The following CCDC102B variants were observed in gnomAD, a reference collection of about 807,000 sequenced individuals.
The protein encoded by CCDC102B is coiled-coil domain containing 102B.
CCDC102B carries 75 observed loss-of-function variants against 57.4 expected under a neutral mutation model. The ratio of observed to expected loss-of-function variants is 1.31; its 90% CI spans 1.08 to 1.58. The LOEUF is 1.58. Among genes scored for constraint, CCDC102B ranks in the 40% most tolerant of loss-of-function variants. CCDC102B has a pLI of 0.00. For synonymous variants in CCDC102B, 206 were observed against 201.9 expected, an observed-to-expected ratio of 1.02 and a Z score of -0.17; for missense variants, 636 against 582.6, an observed-to-expected ratio of 1.09 and a Z score of -0.94.
chr18:69,056,639 A>AGATAGATG (rs138750472), downstream of CCDC102B, among the ~76,000 whole-genome samples: 16 of 129,984 alleles, frequency 1.2e-4, no homozygotes, highest in African/African-American at 1.7e-4. Context: ...GATAGATAAT[A>AGATAGATG]GATAGATAGA....
chr18:68,901,336 G>GA (rs1376771421), intron 6 of CCDC102B, among the ~76,000 whole-genome samples: 6 of 152,134 alleles, frequency 3.9e-5, no homozygotes, highest in Non-Finnish European at 8.8e-5. Flanking sequence ...ATATCCTTTT[G>GA]AAAAATTATA....
intron 2 of CCDC102B, among the ~76,000 whole-genome samples, chr18:68,719,639 A>G (rs2032218839): frequency 6.6e-6 from 1 of 152,174 alleles, no homozygotes; most frequent in South Asian, 2.1e-4. Context: ...CATCTACATT[A>G]CTCAGATACT....
At chr18:68,866,711 T>A (rs1173459152) in intron 4 of CCDC102B, 1 of 526,934 alleles carries the variant, frequency 1.9e-6, no homozygotes, top group Non-Finnish European at 3.7e-6. Context: ...CCTCTTCTCA[T>A]GACGATGTCC....
intron 2 of CCDC102B, among the ~76,000 whole-genome samples, chr18:68,774,541 CA>C (rs1448005591): frequency 6.6e-6 from 1 of 151,888 alleles, no homozygotes; most frequent in East Asian, 1.9e-4. Flanking sequence ...CTCAGAATAA[CA>C]ATGTCAACAC....
In CCDC102B at chr18:68,973,863, T is replaced by C. The variant is rs895129179; in HGVS notation, c.1264-37071T>C. On this transcript the variant is annotated intron_variant, in intron 6 of 7. Transcript: ENST00000360242. The stretch of plus-strand genomic sequence containing the variant: ...GTCTTGGAACCAAAATTTCAAATAC[T>C]AATTTTTTAAGTACAAAATGGTGAT... Among the ~76,000 whole-genome samples the C allele has an allele frequency of 2.0e-5, 3 of 152,094 alleles. No homozygotes were observed. In the East Asian group the frequency reaches 5.8e-4, roughly 29 times the overall value.
chr18:68,750,736 G>A (rs1191567934), intron 2 of CCDC102B, among the ~76,000 whole-genome samples: 2 of 149,232 alleles, frequency 1.3e-5, no homozygotes, highest in African/African-American at 2.5e-5. Flanking sequence ...ACTCATAGGT[G>A]GGAATTGAAC....
intron 1 of CCDC102B, among the ~76,000 whole-genome samples, chr18:68,830,139 A>G (rs779145684): frequency 1.3e-5 from 2 of 151,936 alleles, no homozygotes; most frequent in Non-Finnish European, 2.9e-5. Context: ...AAACAGTTAC[A>G]TTGTCATCTT....
rs1599818166 is a variant in CCDC102B, at chr18:68,996,684, G to A, written c.1264-14250G>A. ...AATACCTTTACCCCCATTGTATCTA[G>A]GAAGTTACTAAATTGCTTTTGATTT... On this transcript the variant is annotated intron_variant, in intron 6 of 7. Coordinates refer to ENST00000360242, the MANE Select transcript of CCDC102B (RefSeq NM_024781.3). 3.3e-5 allele frequency among the ~76,000 whole-genome samples: 5 copies of A among 152,230 alleles called. 1 individual carries two copies. The highest frequency in any genetic ancestry group is 3.3e-4 in the Admixed American group (5 of 15,288).
At chr18:68,945,273 C>T (rs948132578) in intron 6 of CCDC102B, among the ~76,000 whole-genome samples, 1 of 152,022 alleles carries the variant, frequency 6.6e-6, no homozygotes, top group African/African-American at 2.4e-5. Flanking sequence ...AATGAAAAGA[C>T]ACTCAGTAAC....
chr18:68,922,365 T>C (rs2041311993), intron 6 of CCDC102B, among the ~76,000 whole-genome samples: 1 of 152,148 alleles, frequency 6.6e-6, no homozygotes, highest in Admixed American at 6.6e-5. Flanking sequence ...GTTTGGAAAT[T>C]GTTGAACTTG....
At chr18:68,998,123 C>T (rs918812964) in intron 6 of CCDC102B, among the ~76,000 whole-genome samples, 7 of 151,776 alleles carry the variant, frequency 4.6e-5, no homozygotes, top group Admixed American at 3.9e-4. Context: ...AGCTCCTGAC[C>T]TCCATGTCAG....
intron 1 of CCDC102B, among the ~76,000 whole-genome samples, chr18:68,801,581 T>C (rs1479392259): frequency 1.3e-5 from 2 of 152,136 alleles, no homozygotes; most frequent in Non-Finnish European, 2.9e-5. Context: ...AAAAAACATA[T>C]GCTCACTGAA....
chr18:68,774,270 G>A (rs557845181), intron 2 of CCDC102B, among the ~76,000 whole-genome samples: 1 of 151,476 alleles, frequency 6.6e-6, no homozygotes, highest in African/African-American at 2.4e-5. Flanking sequence ...GTATATAAAT[G>A]TATATGTATA....
At chr18:68,774,100 C>T (rs2144619284) in intron 2 of CCDC102B, among the ~76,000 whole-genome samples, 1 of 151,884 alleles carries the variant, frequency 6.6e-6, no homozygotes, top group East Asian at 1.9e-4. Context: ...GCAATAGGCA[C>T]CTTTGAAGTT....
intron 2 of CCDC102B, chr18:68,721,680 G>A (rs1394526686): frequency 1.3e-5 from 2 of 152,296 alleles, no homozygotes; most frequent in African/African-American, 4.8e-5. Flanking sequence ...TTGGTTGGAA[G>A]TAGCATAGTG....
At chr18:68,971,981 T>A (rs533587408) in intron 6 of CCDC102B, among the ~76,000 whole-genome samples, 2 of 152,244 alleles carry the variant, frequency 1.3e-5, no homozygotes, top group South Asian at 4.1e-4. Flanking sequence ...CTCCTGTAAA[T>A]ACACCTGGTA....
chr18:69,034,784 T>C (rs2052244008), intron 7 of CCDC102B, among the ~76,000 whole-genome samples: 1 of 151,682 alleles, frequency 6.6e-6, no homozygotes, highest in Admixed American at 6.6e-5. Context: ...CACACAAATA[T>C]ATATACACAC....
chr18:68,965,541 C>T (rs2050146859), intron 6 of CCDC102B, among the ~76,000 whole-genome samples: 1 of 151,422 alleles, frequency 6.6e-6, no homozygotes, highest in African/African-American at 2.4e-5. Context: ...GTCAGACCAA[C>T]ATGGCACATG....
intron 7 of CCDC102B, among the ~76,000 whole-genome samples, chr18:69,020,238 G>T (rs2051793738): frequency 6.6e-6 from 1 of 152,020 alleles, no homozygotes; most frequent in Non-Finnish European, 1.5e-5. Flanking sequence ...ATGAGATTTA[G>T]CATCTTTTAT....
Sources: allele counts gnomAD v4.1 joint callset (sites outside exome capture counted in the v4.1 genomes callset), GRCh38; gene constraint gnomAD v4.1.1; transcripts MANE v1.5; gene names NCBI Gene and HGNC (gene_info 2026-07-23, HGNC 2026-07-21).